The following PCSK5 variants were observed in gnomAD, a reference collection of about 807,000 sequenced individuals.
PCSK5 encodes proprotein convertase subtilisin/kexin type 5.
PCSK5 carries 129 observed loss-of-function variants against 233.2 expected under a neutral mutation model. The observed-to-expected ratio is 0.55, with a 90% CI of 0.48 to 0.64. The LOEUF (loss-of-function observed/expected upper bound fraction) is 0.64, where lower values mean the gene tolerates loss of function less well. PCSK5 is among the 30% of genes least tolerant of loss of function. PCSK5 has a pLI of 0.00. For synonymous variants in PCSK5, 825 were observed against 879.2 expected (o/e 0.94, Z 1.09); for missense variants, 2,076 against 2,430.1 (o/e 0.85, Z 3.06).
chr9:76,179,752 T>A (rs1320944558), intron 15 of PCSK5, 54 bp downstream of exon 15: 1 of 1,243,418 alleles, frequency 8.0e-7, no homozygotes, highest in Non-Finnish European at 1.2e-6. Flanking sequence ...ATCTTAGGAG[T>A]TCCTGCAAGG....
At chr9:76,302,959 C>CTTTTTT (rs10552673) in intron 28 of PCSK5, among the ~76,000 whole-genome samples, 10 of 87,488 alleles carry the variant, frequency 1.1e-4, no homozygotes, top group Admixed American at 1.5e-4. Flanking sequence ...CAAAGTGGTT[C>CTTTTTT]TTTTTTTTTT....
At position 76,074,378 on chromosome 9, in the gene PCSK5, A is replaced by G. The variant is rs112470887; in HGVS notation, c.894+2480A>G. ...AGGGAAAAAAAGGAATTCAGTTTTAAATCAAACCATTTGCTTTTAGAGTTG... is the reference window on the plus strand; with the variant it reads ...AGGGAAAAAAAGGAATTCAGTTTTAGATCAAACCATTTGCTTTTAGAGTTG... On this transcript the variant is annotated intron_variant, in intron 7 of 37. Transcript: ENST00000674117. Among the ~76,000 whole-genome samples, 873 of 152,340 alleles carry G rather than the reference A, an allele frequency of 5.7e-3. 5 individuals are homozygous for G. The highest frequency in any genetic ancestry group is 9.1e-3 in the Non-Finnish European group (618 of 68,018).
chr9:75,960,881 G>A (rs1012149571), intron 2 of PCSK5, among the ~76,000 whole-genome samples: 4 of 152,276 alleles, frequency 2.6e-5, no homozygotes, highest in Admixed American at 2.6e-4. Flanking sequence ...CTGGTCAAAT[G>A]GGCACATCTG....
At chr9:76,210,857 T>C (rs970985286) in intron 20 of PCSK5, among the ~76,000 whole-genome samples, 14 of 152,062 alleles carry the variant, frequency 9.2e-5, no homozygotes, top group African/African-American at 2.9e-4. Flanking sequence ...GCAGATGGAA[T>C]GGAGAGCTGT....
At chr9:76,304,589 A>G (rs980146333) in intron 28 of PCSK5, among the ~76,000 whole-genome samples, 4 of 147,754 alleles carry the variant, frequency 2.7e-5, no homozygotes, top group African/African-American at 1.0e-4. Context: ...ACAATCCTAT[A>G]AGGGCAGAAT....
intron 34 of PCSK5, among the ~76,000 whole-genome samples, chr9:76,336,315 A>G (rs951325353): frequency 6.2e-5 from 1 of 16,156 alleles, no homozygotes; most frequent in Non-Finnish European, 2.2e-4. Context: ...TTAGTCTACA[A>G]AAAAAAAGCC....
chr9:76,165,638 T>A (rs1020459828), intron 12 of PCSK5, among the ~76,000 whole-genome samples: 4 of 152,242 alleles, frequency 2.6e-5, no homozygotes, highest in African/African-American at 9.6e-5. Context: ...TGCCATCGCA[T>A]GCATATATCA....
chr9:76,350,568 T>A (rs1220881295), intron 35 of PCSK5, among the ~76,000 whole-genome samples: 1 of 152,226 alleles, frequency 6.6e-6, no homozygotes, highest in Non-Finnish European at 1.5e-5. Context: ...TTTCTCATTC[T>A]CTGAAACTCT....
intron 24 of PCSK5, among the ~76,000 whole-genome samples, chr9:76,248,476 A>C (rs1307179889): frequency 6.6e-6 from 1 of 152,176 alleles, no homozygotes. Flanking sequence ...GAAACAGTTC[A>C]GCTGTCATGT....
At chr9:76,311,280 C>T (rs1828858737) in intron 30 of PCSK5, among the ~76,000 whole-genome samples, 1 of 151,424 alleles carries the variant, frequency 6.6e-6, no homozygotes, top group South Asian at 2.1e-4. Context: ...TTCCTTGAGC[C>T]CAGGAGATTG....
chr9:76,018,341 C>T (rs1299449583), intron 3 of PCSK5, among the ~76,000 whole-genome samples: 1 of 152,166 alleles, frequency 6.6e-6, no homozygotes, highest in African/African-American at 2.4e-5. Flanking sequence ...CCCCAAGCCC[C>T]GGGCTGCGGA....
intron 3 of PCSK5, among the ~76,000 whole-genome samples, chr9:76,008,641 T>C (rs1827587985): frequency 6.6e-6 from 1 of 152,140 alleles, no homozygotes; most frequent in African/African-American, 2.4e-5. Flanking sequence ...TTTGTATTTT[T>C]AGTAGAGACA....
intron 5 of PCSK5, among the ~76,000 whole-genome samples, chr9:76,054,112 A>G (rs774526174): frequency 6.6e-6 from 1 of 152,130 alleles, no homozygotes; most frequent in Non-Finnish European, 1.5e-5. Flanking sequence ...AGCTCTCATA[A>G]GACTTACTAT....
chr9:76,172,700 A>G (rs139279541), intron 13 of PCSK5, among the ~76,000 whole-genome samples: 2 of 152,380 alleles, frequency 1.3e-5, no homozygotes, highest in East Asian at 1.9e-4. Context: ...GAGAGATGCC[A>G]TAAGGAAAAT....
intron 20 of PCSK5, among the ~76,000 whole-genome samples, chr9:76,190,235 A>G (rs1484639895): frequency 3.3e-5 from 5 of 152,180 alleles, no homozygotes; most frequent in African/African-American, 7.2e-5. Context: ...ACAAATGTAT[A>G]ACAACATGTA....
intron 10 of PCSK5, among the ~76,000 whole-genome samples, chr9:76,153,125 G>T: frequency 6.6e-6 from 1 of 152,132 alleles, no homozygotes; most frequent in Non-Finnish European, 1.5e-5. Context: ...CTATCAAAAT[G>T]TAAGCAGCCC....
At chr9:76,219,645 C>G (rs562446614) in intron 20 of PCSK5, among the ~76,000 whole-genome samples, 1 of 152,262 alleles carries the variant, frequency 6.6e-6, no homozygotes, top group East Asian at 1.9e-4. Flanking sequence ...ATGGCACATC[C>G]CTTAAGGCCT....
chr9:76,064,147 C>T (rs1411317666), intron 5 of PCSK5, among the ~76,000 whole-genome samples: 2 of 125,452 alleles, frequency 1.6e-5, no homozygotes, highest in Non-Finnish European at 3.3e-5. Context: ...GACCCCCCCA[C>T]CTCCCTCCCG....
chr9:75,938,898 C>T (rs768979187), intron 2 of PCSK5, among the ~76,000 whole-genome samples: 2 of 151,962 alleles, frequency 1.3e-5, no homozygotes, highest in African/African-American at 4.8e-5. Context: ...GAAATGGCTT[C>T]GTGGAAAATT....
Sources: gnomAD v4.1 joint callset for allele counts (sites outside exome capture counted in the v4.1 genomes callset) on GRCh38, gnomAD v4.1.1 for gene constraint, MANE v1.5 for transcripts, NCBI Gene and HGNC (gene_info 2026-07-23, HGNC 2026-07-21) for gene names.